COL20A1: variants seen among roughly 807,000 people sequenced by gnomAD.
COL20A1 encodes collagen type XX alpha 1 chain.
Under a neutral mutation model 152.9 loss-of-function variants are expected in COL20A1, and 164 were observed. The observed-to-expected ratio is 1.07, with a 90% CI of 0.94 to 1.22. The LOEUF (loss-of-function observed/expected upper bound fraction) is 1.22, where lower values mean the gene tolerates loss of function less well. Among genes scored for constraint, COL20A1 ranks in the 50% most tolerant of loss-of-function variants. COL20A1 has a pLI of 0.00. For synonymous variants in COL20A1, 864 were observed against 756.0 expected (o/e 1.14, Z -2.34); for missense variants, 1,873 against 1,744.8 (o/e 1.07, Z -1.31).
chr20:63,305,629 G>A lies in COL20A1; in HGVS notation c.337+69G>A. On this transcript the variant is annotated intron_variant, in intron 4 of 35. Coordinates refer to ENST00000358894, the MANE Select transcript of COL20A1 (RefSeq NM_020882.4). The surrounding 1 kb of genome is among the most constrained non-coding windows in gnomAD (Gnocchi z 4.9). ...GGGTCCCACCCTCCTCTGGGCTGGG[G>A]TCCCACCCTCCTCCAGGCTGCGTTC... The A allele has an allele frequency of 6.8e-7, 1 of 1,480,772 alleles. No individual in the cohort carries two copies. Among genetic ancestry groups the A allele is most frequent in the Non-Finnish European group, 9.1e-7 (1 of 1,104,902 alleles). The allele number at this position is 1,480,772 out of a possible 1,614,324, so 91.7% of individuals were successfully genotyped here. A position where few individuals can be genotyped will look rare whatever the true frequency, so the allele number is the denominator to read the frequency against.
At position 63,305,991 on chromosome 20, in the gene COL20A1, T is replaced by C. The variant is rs1024971498; in HGVS notation, c.448T>C (p.Ser150Pro). 3.1e-6 allele frequency: 5 copies of C among 1,612,648 alleles called. No individual in the cohort carries two copies. Among genetic ancestry groups the C allele is most frequent in the Non-Finnish European group, 4.2e-6 (5 of 1,179,776 alleles). ...HTGSPDPEQA[S>P]EPQVAFTPSQ... ...GGGGAGCCCAGACCCTGAGCAGGCT[T>C]CTGAGCCCCAAGTTGCCTTCACACC... The change falls in exon 5 of 36, where the codon TCT becomes CCT. Residue 150 changes from serine (S) to proline (P), a missense_variant. Physicochemically the swap from Ser to Pro is moderately conservative, Grantham distance 74. Coordinates refer to ENST00000358894, the MANE Select transcript of COL20A1 (RefSeq NM_020882.4). This position sits in a 1 kb window ranked among gnomAD's most constrained non-coding sequence, Gnocchi z 4.9.
intron 2 of COL20A1, among the ~76,000 whole-genome samples, chr20:63,297,535 G>A (rs532785050): frequency 7.9e-5 from 12 of 152,218 alleles, no homozygotes; most frequent in African/African-American, 2.4e-4. Context: ...CGGGGCCTCC[G>A]ATCATCAGTG....
Position 63,331,458 on chromosome 20 carries a change from C to G in COL20A1, c.*742C>G, listed in dbSNP as rs1288993953. 6.6e-6 allele frequency: 1 copy of G among 152,360 alleles called. No individual in the cohort carries two copies. Among genetic ancestry groups the G allele is most frequent in the Non-Finnish European group, 1.5e-5 (1 of 68,124 alleles). The allele number at this position is 152,360 out of a possible 1,614,324, so 9.4% of individuals were successfully genotyped here. On this transcript the variant is annotated 3_prime_UTR_variant, in exon 36 of 36. Transcript: ENST00000358894. ...GACTTGGCACCATCAGCCCCTGGTC[C>G]TTAGGGTCTCAGAGCAAGGTCATCC...
At position 63,325,348 on chromosome 20, in the gene COL20A1, C is replaced by T. The variant is rs1217200697; in HGVS notation, c.3295-93C>T. 3.1e-6 allele frequency: 3 copies of T among 964,230 alleles called. 1 individual carries two copies. The highest frequency in any genetic ancestry group is 4.9e-5 in the East Asian group (2 of 40,496). 59.7% of individuals were successfully genotyped at this position (964,230 alleles called of 1,614,324 possible). On this transcript the variant is annotated intron_variant, in intron 27 of 35. Coordinates refer to ENST00000358894, the MANE Select transcript of COL20A1 (RefSeq NM_020882.4). ...GGCTCGCCGGGGACCCAGGGCCGTG[C>T]AGTCCAGGGGCCTGTGGTAGGTGTC...
rs779289960 is a variant in COL20A1, at chr20:63,329,600, T to A, written c.3797T>A (p.Val1266Asp). The A allele has an allele frequency of 6.2e-7, 1 of 1,609,536 alleles. No homozygotes were observed. The highest frequency in any genetic ancestry group is 1.1e-5 in the South Asian group (1 of 90,570). ...HLEGRGEPGA[V>D]GQMGSPGQQG... is the part of the protein sequence containing the mutation. ...TTCCTCGCAGGGGAGCCTGGAGCTG[T>A]TGGTCAGATGGGCAGCCCTGGGCAG... The change falls in exon 35 of 36, where the codon GTT (valine) becomes GAT (aspartate). Residue 1266 changes from valine (V) to aspartate (D), a missense_variant. By Grantham distance (152) the Val-to-Asp change is radical. Transcript: ENST00000358894.
At chr20:63,321,183 C>T in intron 26 of COL20A1, 84 bp downstream of exon 26, 1 of 872,690 alleles carries the variant, frequency 1.1e-6, no homozygotes, top group Non-Finnish European at 1.8e-6. Flanking sequence ...AACCCAGGCC[C>T]TCCCGCCCCG....
rs2067924011 is a variant in COL20A1 at position 63,306,196 on chromosome 20, T to G, written c.496+157T>G. On this transcript the variant is annotated intron_variant, in intron 5 of 35. Coordinates refer to ENST00000358894, the MANE Select transcript of COL20A1 (RefSeq NM_020882.4). The surrounding 1 kb of genome is among the most constrained non-coding windows in gnomAD (Gnocchi z 6.9). ...TTCTTCCTCGTGTCTGACCACACGGTCTCTGACCACGAGGCCGGGAAGTTC... is the reference window on the plus strand; with the variant it reads ...TTCTTCCTCGTGTCTGACCACACGGGCTCTGACCACGAGGCCGGGAAGTTC... 1.7e-6 allele frequency: 1 copy of G among 581,818 alleles called. No homozygotes were observed. The highest frequency in any genetic ancestry group is 3.0e-6 in the Non-Finnish European group (1 of 333,564). The allele number at this position is 581,818 out of a possible 1,614,324, so 36.0% of individuals were successfully genotyped here. A position where few individuals can be genotyped will look rare whatever the true frequency, so the allele number is the denominator to read the frequency against.
At chr20:63,309,153 C>T (rs2067969384) in intron 8 of COL20A1, among the ~76,000 whole-genome samples, 180 bp from the exon 9 acceptor site, 1 of 152,194 alleles carries the variant, frequency 6.6e-6, no homozygotes, top group Non-Finnish European at 1.5e-5. Flanking sequence ...GAGCACAGAC[C>T]CTTCCTTGAT....
Position 63,308,570 on chromosome 20 carries a change from G to T in COL20A1, c.804G>T (p.Gln268His). Residue 268 changes from glutamine to histidine, a missense_variant, in exon 8 of 36, where the codon CAG becomes CAT. Physicochemically the swap from Gln to His is conservative, Grantham distance 24 (BLOSUM62 0). Coordinates refer to ENST00000358894, the MANE Select transcript of COL20A1 (RefSeq NM_020882.4). ...TTGCCCTGACCCACGTGCTGGGGCA[G>T]AACCTGCAGCCGGCGGCTGGCCTCC... ...TGLALTHVLG[Q>H]NLQPAAGLRP... is the part of the protein sequence containing the mutation. 1 of 1,605,500 alleles carries T rather than the reference G, an allele frequency of 6.2e-7. No individual in the cohort carries two copies. Among genetic ancestry groups the T allele is most frequent in the Non-Finnish European group, 8.5e-7 (1 of 1,176,558 alleles).
At chr20:63,323,066 C>CA (rs1455370097) in intron 27 of COL20A1, among the ~76,000 whole-genome samples, 1 of 152,286 alleles carries the variant, frequency 6.6e-6, no homozygotes, top group Non-Finnish European at 1.5e-5. Flanking sequence ...GGTGACCTCC[C>CA]ACCCCCATCT....
chr20:63,327,142 T>G, intron 31 of COL20A1: 2 of 297,718 alleles, frequency 6.7e-6, no homozygotes, highest in Non-Finnish European at 1.2e-5. Context: ...TCAGGGACTT[T>G]CTGTTGACTG....
chr20:63,314,851 C>T (rs1393470112), intron 19 of COL20A1, among the ~76,000 whole-genome samples: 1 of 135,178 alleles, frequency 7.4e-6, no homozygotes, highest in East Asian at 2.0e-4. Context: ...CCAGGCATCT[C>T]CCTGGACCCC....
intron 6 of COL20A1, 136 bp from the exon 7 acceptor site, chr20:63,307,835 C>G (rs888062034): frequency 4.9e-6 from 6 of 1,233,112 alleles, no homozygotes; most frequent in African/African-American, 1.5e-5. Context: ...TGCAAGCGTC[C>G]TCTCCCTGGG....
At chr20:63,307,341 G>T in intron 5 of COL20A1, 149 bp from the exon 6 acceptor site, 1 of 694,972 alleles carries the variant, frequency 1.4e-6, no homozygotes, top group Non-Finnish European at 2.4e-6. Context: ...TGTCTAGTCC[G>T]GTGAGGCCTG....
Position 63,309,272 on chromosome 20 carries a change from G to A in COL20A1, c.941-61G>A, listed in dbSNP as rs892912056. The A allele has an allele frequency of 2.9e-5, 38 of 1,309,512 alleles. 1 individual carries two copies. The highest frequency in any genetic ancestry group is 2.0e-4 in the Middle Eastern group (1 of 5,020). The allele number at this position is 1,309,512 out of a possible 1,614,324, so 81.1% of individuals were successfully genotyped here. A position where few individuals can be genotyped will look rare whatever the true frequency, so the allele number is the denominator to read the frequency against. On this transcript the variant is annotated intron_variant, in intron 8 of 35. Coordinates refer to ENST00000358894, the MANE Select transcript of COL20A1 (RefSeq NM_020882.4). ...CCCAGTCTCCATGGAGACCCCCACC[G>A]CAGGTGGCCCCGTCGGGTGACCCCA... is the stretch of plus-strand genomic sequence containing the variant.
At chr20:63,326,002 C>A in intron 29 of COL20A1, 94 bp from the exon 30 acceptor site, 1 of 1,136,602 alleles carries the variant, frequency 8.8e-7, no homozygotes, top group Non-Finnish European at 1.3e-6. Flanking sequence ...GCTTGGGTTA[C>A]AGGGTGTGTT....
Position 63,319,051 on chromosome 20 carries a change from C to T in COL20A1, c.2664-7C>T. 3.1e-6 allele frequency: 5 copies of T among 1,600,500 alleles called. 1 individual carries two copies. The highest frequency in any genetic ancestry group is 4.3e-6 in the Non-Finnish European group (5 of 1,170,006). ...TCATGTGCCTCTCCCTCCCCCAACC[C>T]CCACAGTGACGTCTACCCAGCCCCC... On this transcript the variant is annotated splice_polypyrimidine_tract_variant and splice_region_variant and intron_variant, in intron 21 of 35. Coordinates refer to ENST00000358894, the MANE Select transcript of COL20A1 (RefSeq NM_020882.4). The surrounding 1 kb of genome is among the most constrained non-coding windows in gnomAD (Gnocchi z 4.4).
At chr20:63,296,894 G>A (rs969890219) in intron 2 of COL20A1, among the ~76,000 whole-genome samples, 2 of 152,038 alleles carry the variant, frequency 1.3e-5, no homozygotes, top group African/African-American at 4.8e-5. Context: ...GCCCAAAGAA[G>A]CCCATCTCTG....
chr20:63,309,346 C>G lies in COL20A1; in HGVS notation c.954C>G (p.Ala318=). The change falls in exon 9 of 36, where the codon GCC becomes GCG. Residue 318 remains alanine, a synonymous_variant. Transcript: ENST00000358894. ...VNVFAVGVKN[A]DEAELRLLAS... ...CCTCACGAGCAGGTGTGAAGAACGC[C>G]GATGAGGCTGAGCTGAGGCTCCTGG... The G allele has an allele frequency of 6.7e-7, 1 of 1,499,482 alleles. No individual in the cohort carries two copies. 92.9% of individuals were successfully genotyped at this position (1,499,482 alleles called of 1,614,324 possible).
Sources: allele counts gnomAD v4.1 joint callset (sites outside exome capture counted in the v4.1 genomes callset), GRCh38; gene constraint gnomAD v4.1.1; non-coding constraint Gnocchi (gnomAD v3.1); transcripts MANE v1.5; gene names NCBI Gene and HGNC (gene_info 2026-07-23, HGNC 2026-07-21).